Variants in GNB4 observed in about 807,000 individuals in gnomAD.
GNB4 encodes the protein guanine nucleotide-binding protein subunit beta-4.
GNB4 carries 28 observed loss-of-function variants against 45.2 expected under a neutral mutation model. That is an observed-to-expected ratio of 0.62 (90% CI 0.46 to 0.85). The LOEUF (loss-of-function observed/expected upper bound fraction) is 0.85. GNB4 is among the 40% of genes least tolerant of loss of function. GNB4 has a pLI of 0.00. For synonymous variants in GNB4, 132 were observed against 143.7 expected, an observed-to-expected ratio of 0.92 and a Z score of 0.58; for missense variants, 321 against 425.4, an observed-to-expected ratio of 0.75 and a Z score of 2.16.
chr3:179,432,921 G>T (rs567593943), intron 1 of GNB4, among the ~76,000 whole-genome samples: 2 of 152,214 alleles, frequency 1.3e-5, no homozygotes, highest in South Asian at 2.1e-4. Context: ...GAAAGTGGAG[G>T]GGGGGTGGAA....
intron 8 of GNB4, among the ~76,000 whole-genome samples, chr3:179,410,841 C>A (rs1437473462): frequency 6.6e-6 from 1 of 151,992 alleles, no homozygotes; most frequent in East Asian, 1.9e-4. Context: ...CCTGTAAACT[C>A]TATAGATATC....
At chr3:179,452,614 C>A (rs1715913027), upstream of GNB4, among the ~76,000 whole-genome samples, 1 of 152,046 alleles carries the variant, frequency 6.6e-6, no homozygotes, top group Non-Finnish European at 1.5e-5. Context: ...ATAAACACAC[C>A]CTGTTTGTGA....
chr3:179,505,097 C>T, the GNB4 span, among the ~76,000 whole-genome samples: 1 of 152,186 alleles, frequency 6.6e-6, no homozygotes, highest in Non-Finnish European at 1.5e-5. Flanking sequence ...AGCTGATCCA[C>T]AGCTAACCTG....
rs887575962 is a variant in GNB4 at position 179,399,446 on chromosome 3, G to T, written c.*1767C>A. ...GCGAACTCCTGACCTCAAGTGATCT[G>T]CCCACCTTGGCCTCCCAAATTGCTG... On this transcript the variant is annotated 3_prime_UTR_variant, in exon 10 of 10. Transcript: ENST00000232564. 2 of 152,114 alleles carry T rather than the reference G, an allele frequency of 1.3e-5. No individual in the cohort carries two copies. Among genetic ancestry groups the T allele is most frequent in the African/African-American group, 2.4e-5 (1 of 41,398 alleles). The allele number at this position is 152,114 out of a possible 1,614,324, so 9.4% of individuals were successfully genotyped here.
chr3:179,456,451 C>T (rs1715979724), upstream of GNB4, among the ~76,000 whole-genome samples: 1 of 152,158 alleles, frequency 6.6e-6, no homozygotes, highest in Admixed American at 6.5e-5. Flanking sequence ...CTTTCCATTC[C>T]TTCCTCCCAT....
At chr3:179,457,626 C>T in the GNB4 span, among the ~76,000 whole-genome samples, 1 of 152,130 alleles carries the variant, frequency 6.6e-6, no homozygotes, top group South Asian at 2.1e-4. Flanking sequence ...TTCATTCATT[C>T]TTCTGTAAGT....
At chr3:179,490,295 C>T in the GNB4 span, among the ~76,000 whole-genome samples, 38 of 152,274 alleles carry the variant, frequency 2.5e-4, no homozygotes, top group African/African-American at 8.9e-4. Flanking sequence ...AAACATGCAG[C>T]CAGGTCAATT....
chr3:179,455,181 C>T (rs1230478709), upstream of GNB4, among the ~76,000 whole-genome samples: 1 of 152,104 alleles, frequency 6.6e-6, no homozygotes, highest in Non-Finnish European at 1.5e-5. Flanking sequence ...TCCCAGTGAC[C>T]TTAAGAGAGG....
Position 179,426,254 on chromosome 3 carries a change from CAG to C in GNB4, c.-42-14_-42-13del, listed in dbSNP as rs963934755. On this transcript the variant is annotated splice_polypyrimidine_tract_variant and intron_variant, in intron 1 of 9. Coordinates refer to ENST00000232564, the MANE Select transcript of GNB4 (RefSeq NM_021629.4). ...ATGAGTGAAAACAGCTGTTAAAAAA[CAG>C]AGAGCAAGAGAAAGATTCAGTTCTC... 39 of 1,325,664 alleles carry C rather than the reference CAG, an allele frequency of 2.9e-5. No homozygotes were observed. Among genetic ancestry groups the C allele is most frequent in the Non-Finnish European group, 3.8e-5 (36 of 949,182 alleles). The allele number at this position is 1,325,664 out of a possible 1,614,324, so 82.1% of individuals were successfully genotyped here.
At chr3:179,518,223 A>C in the GNB4 span, among the ~76,000 whole-genome samples, 1 of 152,062 alleles carries the variant, frequency 6.6e-6, no homozygotes, top group African/African-American at 2.4e-5. Flanking sequence ...CCCCAATACA[A>C]ACTCGACAGT....
chr3:179,489,455 A>C, the GNB4 span, among the ~76,000 whole-genome samples: 1 of 152,050 alleles, frequency 6.6e-6, no homozygotes, highest in Non-Finnish European at 1.5e-5. Flanking sequence ...TGGGCAACAA[A>C]GCAAGACCCC....
At chr3:179,454,296 C>G (rs1267251222), upstream of GNB4, among the ~76,000 whole-genome samples, 1 of 152,208 alleles carries the variant, frequency 6.6e-6, no homozygotes, top group African/African-American at 2.4e-5. Flanking sequence ...ATCTTTGTGT[C>G]TGCCATAGTG....
At chr3:179,467,895 G>T in the GNB4 span, among the ~76,000 whole-genome samples, 3 of 151,626 alleles carry the variant, frequency 2.0e-5, no homozygotes, top group African/African-American at 7.3e-5. Flanking sequence ...TGTCGAACCT[G>T]TATTGTTCAT....
chr3:179,476,264 T>C, the GNB4 span, among the ~76,000 whole-genome samples: 1 of 152,200 alleles, frequency 6.6e-6, no homozygotes, highest in Non-Finnish European at 1.5e-5. Context: ...AACTTAACAG[T>C]GAAAACAACA....
the GNB4 span, among the ~76,000 whole-genome samples, chr3:179,512,996 C>G: frequency 6.6e-6 from 1 of 151,242 alleles, no homozygotes; most frequent in Non-Finnish European, 1.5e-5. Flanking sequence ...AAAATAGTCT[C>G]TATTTTTTTT....
chr3:179,465,182 C>A, the GNB4 span: 2 of 1,297,350 alleles, frequency 1.5e-6, no homozygotes, highest in South Asian at 1.2e-5. Context: ...AAATAGAGTT[C>A]ATGATCCTGT....
chr3:179,450,036 A>G (rs1048545821), intron 1 of GNB4, among the ~76,000 whole-genome samples: 18 of 152,240 alleles, frequency 1.2e-4, no homozygotes, highest in African/African-American at 4.3e-4. Flanking sequence ...CCAACCTAAA[A>G]TATCACAAGC....
the GNB4 span, among the ~76,000 whole-genome samples, chr3:179,515,433 G>T: frequency 0.76 from 115,405 of 151,906 alleles, 44,339 homozygotes; most frequent in East Asian, 0.97. Context: ...GTGGGGCTGT[G>T]TTATAGGATT....
Position 179,420,303 on chromosome 3 carries a change from G to GT in GNB4, c.96+585dup, listed in dbSNP as rs769305965. Among the ~76,000 whole-genome samples the GT allele has an allele frequency of 3.0e-3, 413 of 137,974 alleles. 2 individuals carry two copies. The highest frequency in any genetic ancestry group is 7.9e-3 in the African/African-American group (300 of 38,002). 90.5% of individuals were successfully genotyped at this position (137,974 alleles called of 152,430 possible). ...ACCACCATGACCAGCTAACTTTCAT[G>GT]TTTTTTTTTTTTTTCTAGTAGAGAC... On this transcript the variant is annotated intron_variant, in intron 3 of 9. Coordinates refer to ENST00000232564, the MANE Select transcript of GNB4 (RefSeq NM_021629.4).
Sources: gnomAD v4.1 joint callset for allele counts (sites outside exome capture counted in the v4.1 genomes callset) on GRCh38, gnomAD v4.1.1 for gene constraint, MANE v1.5 for transcripts, NCBI Gene and HGNC (gene_info 2026-07-23, HGNC 2026-07-21) for gene names.